The following MED12L variants were observed in gnomAD, a reference collection of about 807,000 sequenced individuals.
MED12L encodes mediator complex subunit 12L, also known as mediator of RNA polymerase II transcription subunit 12-like protein.
A neutral mutation model predicts 281.3 loss-of-function variants in MED12L; 60 were observed. The ratio of observed to expected loss-of-function variants is 0.21; its 90% CI spans 0.17 to 0.26. The LOEUF is 0.26. Among genes scored for constraint, MED12L ranks in the 10% least tolerant of loss-of-function variants. The pLI is 1.00. For missense variants in MED12L, 2,146 were observed against 2,680.9 expected (o/e 0.80, Z 4.41); for synonymous variants, 974 against 987.2 (o/e 0.99, Z 0.25).
chr3:151,233,460 G>A (rs1210109165), intron 16 of MED12L, among the ~76,000 whole-genome samples: 1 of 152,250 alleles, frequency 6.6e-6, no homozygotes, highest in African/African-American at 2.4e-5. Flanking sequence ...TGGGCCGGGC[G>A]TGATGGCTCC....
chr3:151,113,355 AG>A (rs944252140), intron 2 of MED12L, among the ~76,000 whole-genome samples: 2 of 152,218 alleles, frequency 1.3e-5, no homozygotes, highest in Admixed American at 1.3e-4. Flanking sequence ...AAGTGTGGTT[AG>A]GGATGAGACC....
intron 16 of MED12L, among the ~76,000 whole-genome samples, chr3:151,348,967 C>T (rs1208217452): frequency 5.9e-5 from 9 of 152,208 alleles, no homozygotes; most frequent in African/African-American, 1.7e-4. Flanking sequence ...ATTCTTTTCT[C>T]ATATAAGCTC....
At chr3:151,260,412 T>C (rs1488130515) in intron 16 of MED12L, among the ~76,000 whole-genome samples, 1 of 152,122 alleles carries the variant, frequency 6.6e-6, no homozygotes, top group African/African-American at 2.4e-5. Flanking sequence ...TGAGGTGGCA[T>C]GATAGTGGAT....
Position 151,141,201 on chromosome 3 carries a change from G to GTTTTTTTTT in MED12L, c.556+13219_556+13220insTTTTTTTTT, listed in dbSNP as rs1716973453. On this transcript the variant is annotated intron_variant, in intron 5 of 44. Transcript: ENST00000687756. ...TTGTTTTTTTTGTTTTTTTTTTTTT[G>GTTTTTTTTT]TTAGTAGAGACGGGGTTTCACTGTG... 2.6e-4 allele frequency among the ~76,000 whole-genome samples: 15 copies of GTTTTTTTTT among 58,338 alleles called. No individual in the cohort carries two copies. In the East Asian group the frequency reaches 3.0e-3, roughly 12 times the overall value. 38.3% of individuals were successfully genotyped at this position (58,338 alleles called of 152,430 possible). A position where few individuals can be genotyped will look rare whatever the true frequency, so the allele number is the denominator to read the frequency against.
intron 16 of MED12L, among the ~76,000 whole-genome samples, chr3:151,281,941 A>G (rs533819895): frequency 1.2e-4 from 18 of 152,360 alleles, no homozygotes; most frequent in African/African-American, 4.3e-4. Flanking sequence ...GCCGTCATCG[A>G]CTGCGCATAA....
At chr3:151,106,534 C>T (rs949357955) in intron 2 of MED12L, among the ~76,000 whole-genome samples, 1 of 152,110 alleles carries the variant, frequency 6.6e-6, no homozygotes, top group Non-Finnish European at 1.5e-5. Context: ...AAGCTCTTTA[C>T]TTGGTTCACA....
At chr3:151,428,050 G>GTGCTTGCTACAGAAATGTAATA (rs1484601527) in intron 43 of MED12L, among the ~76,000 whole-genome samples, 1 of 152,186 alleles carries the variant, frequency 6.6e-6, no homozygotes, top group South Asian at 2.1e-4. Context: ...AATTATTCAT[G>GTGCTTGCTACAGAAATGTAATA]TGCTTGCTAC....
At position 151,129,715 on chromosome 3, in the gene MED12L, T is replaced by TTGTG. The variant is rs62785262; in HGVS notation, c.556+1763_556+1766dup. 9.8e-3 allele frequency among the ~76,000 whole-genome samples: 1,448 copies of TTGTG among 147,622 alleles called. 18 individuals are homozygous for TTGTG. Among genetic ancestry groups the TTGTG allele is most frequent in the African/African-American group, 0.033 (1,331 of 40,098 alleles). Reference sequence around the variant, plus strand: ...CACATATTTCTTCATATATCTACATTTGTGTGTGTGTGTGTGTGTGTGTGT... The same window carrying TTGTG: ...CACATATTTCTTCATATATCTACATTTGTGTGTGTGTGTGTGTGTGTGTGTGTGT... On this transcript the variant is annotated intron_variant, in intron 5 of 44. Transcript: ENST00000687756.
intron 16 of MED12L, among the ~76,000 whole-genome samples, chr3:151,273,033 C>T (rs1741240572): frequency 6.6e-6 from 1 of 152,080 alleles, no homozygotes; most frequent in African/African-American, 2.4e-5. Context: ...TAGGGATTCT[C>T]ATCTGCTAAG....
chr3:151,264,630 T>C (rs1214089000), intron 16 of MED12L, among the ~76,000 whole-genome samples: 3 of 152,324 alleles, frequency 2.0e-5, no homozygotes, highest in African/African-American at 7.2e-5. Context: ...TAAAAACTGC[T>C]CTGTCATAAT....
chr3:151,273,063 A>T (rs1332821278), intron 16 of MED12L, among the ~76,000 whole-genome samples: 1 of 152,062 alleles, frequency 6.6e-6, no homozygotes, highest in Non-Finnish European at 1.5e-5. Flanking sequence ...AATATTCCAA[A>T]ATCTGAAATC....
chr3:151,339,408 T>TATTAAATAAAATACTGA (rs1453814009), intron 16 of MED12L, among the ~76,000 whole-genome samples: 102 of 146,310 alleles, frequency 7.0e-4, no homozygotes, highest in African/African-American at 2.5e-3. Context: ...TTGGGAAACT[T>TATTAAATAAAATACTGA]ATTAAATAAA....
At chr3:151,281,969 A>G (rs890224795) in intron 16 of MED12L, among the ~76,000 whole-genome samples, 1 of 152,220 alleles carries the variant, frequency 6.6e-6, no homozygotes, top group African/African-American at 2.4e-5. Context: ...GCTGGCTTAC[A>G]TTTTGATTCC....
chr3:151,217,570 T>A (rs755025359), intron 16 of MED12L, among the ~76,000 whole-genome samples: 1 of 152,212 alleles, frequency 6.6e-6, no homozygotes, highest in African/African-American at 2.4e-5. Flanking sequence ...TTTGGCAGTT[T>A]TGATGCAATT....
chr3:151,229,281 T>G (rs926531772), intron 16 of MED12L, among the ~76,000 whole-genome samples: 2 of 151,464 alleles, frequency 1.3e-5, no homozygotes, highest in Non-Finnish European at 2.9e-5. Context: ...CATACTGTGG[T>G]AATAACTTAT....
rs1469462895 is a variant in MED12L, at chr3:151,292,263, T to C, written c.2251-57796T>C. Among the ~76,000 whole-genome samples, 2 of 150,686 alleles carry C rather than the reference T, an allele frequency of 1.3e-5. 1 individual carries two copies. The highest frequency in any genetic ancestry group is 4.9e-5 in the African/African-American group (2 of 40,740). ...AAGAGGATAGGACATGTACTGAAGG[T>C]ATTTTCCCAGCAATAATATTGCTCC... On this transcript the variant is annotated intron_variant, in intron 16 of 44. Transcript: ENST00000687756.
chr3:151,094,791 A>G (rs1720500835), intron 2 of MED12L, among the ~76,000 whole-genome samples: 1 of 152,232 alleles, frequency 6.6e-6, no homozygotes, highest in Non-Finnish European at 1.5e-5. Context: ...AAGCTGTAAC[A>G]ATAGATATGT....
At chr3:151,247,441 G>C (rs1735811529) in intron 16 of MED12L, among the ~76,000 whole-genome samples, 2 of 151,862 alleles carry the variant, frequency 1.3e-5, no homozygotes, top group Non-Finnish European at 2.9e-5. Context: ...CCATAAAAAT[G>C]ATGAGTTCAT....
chr3:151,277,004 C>T (rs1741979689), intron 16 of MED12L, among the ~76,000 whole-genome samples: 1 of 152,192 alleles, frequency 6.6e-6, no homozygotes, highest in African/African-American at 2.4e-5. Flanking sequence ...TCAAGCGATT[C>T]TCCTGCCTCA....
Sources: allele counts gnomAD v4.1 joint callset (sites outside exome capture counted in the v4.1 genomes callset), GRCh38; gene constraint gnomAD v4.1.1; transcripts MANE v1.5; gene names NCBI Gene and HGNC (gene_info 2026-07-23, HGNC 2026-07-21).